Variants in SGSM1 observed in about 807,000 individuals in gnomAD.
The protein encoded by SGSM1 is RUN and TBC1 domain containing 2.
A neutral mutation model predicts 133.8 loss-of-function variants in SGSM1; 73 were observed. That is an observed-to-expected ratio of 0.55 (90% CI 0.45 to 0.66). The LOEUF (loss-of-function observed/expected upper bound fraction) is 0.66, where lower values mean the gene tolerates loss of function less well. Among genes scored for constraint, SGSM1 ranks in the 30% least tolerant of loss-of-function variants. The probability of loss-of-function intolerance (pLI) is 0.00; values close to 1 mark genes in which losing one functional copy is unlikely to be tolerated. For synonymous variants in SGSM1, 563 were observed against 573.0 expected (o/e 0.98, Z 0.25); for missense variants, 1,213 against 1,448.1 (o/e 0.84, Z 2.64).
intron 24 of SGSM1, among the ~76,000 whole-genome samples, chr22:24,921,453 T>C (rs1053294041): frequency 6.6e-6 from 1 of 152,206 alleles, no homozygotes; most frequent in Non-Finnish European, 1.5e-5. Context: ...TATAACTTAC[T>C]GAACCATTTC....
At chr22:24,892,922 G>A (rs1178555896) in intron 16 of SGSM1, among the ~76,000 whole-genome samples, 2 of 151,272 alleles carry the variant, frequency 1.3e-5, no homozygotes, top group East Asian at 1.9e-4. Flanking sequence ...TTAGCTGGGC[G>A]TGGTGGCGCA....
At chr22:24,859,944 C>T (rs910906660) in intron 9 of SGSM1, 104 bp downstream of exon 9, 1 of 1,480,736 alleles carries the variant, frequency 6.8e-7, no homozygotes, top group African/African-American at 1.4e-5. Context: ...GCCCCTGCTT[C>T]TGCCCCCTCC....
intron 16 of SGSM1, 114 bp from the exon 17 acceptor site, chr22:24,893,317 A>T (rs1932846041): frequency 3.6e-6 from 4 of 1,104,894 alleles, no homozygotes; most frequent in Non-Finnish European, 2.6e-6. Flanking sequence ...TATCTGCTGG[A>T]TGTTAACTGC....
At chr22:24,920,807 T>C (rs1248192327) in intron 24 of SGSM1, among the ~76,000 whole-genome samples, 2 of 152,206 alleles carry the variant, frequency 1.3e-5, no homozygotes, top group Non-Finnish European at 2.9e-5. Context: ...TGAGAACTGT[T>C]TTAGATTTAG....
chr22:24,886,811 C>A, intron 16 of SGSM1, 83 bp downstream of exon 16: 1 of 1,451,618 alleles, frequency 6.9e-7, no homozygotes. Context: ...TGGTTCCACG[C>A]TGGACCAAGG....
rs1005636101 is a variant in SGSM1 at position 24,926,173 on chromosome 22, A to G, written c.*1899A>G. 6.6e-5 allele frequency: 10 copies of G among 152,362 alleles called. No individual in the cohort carries two copies. Among genetic ancestry groups the G allele is most frequent in the African/African-American group, 2.2e-4 (9 of 41,550 alleles). 9.4% of individuals were successfully genotyped at this position (152,362 alleles called of 1,614,324 possible). A position where few individuals can be genotyped will look rare whatever the true frequency, so the allele number is the denominator to read the frequency against. On this transcript the variant is annotated 3_prime_UTR_variant, in exon 25 of 25. Coordinates refer to ENST00000400358, the MANE Select transcript of SGSM1 (RefSeq NM_001098497.3). ...ATGCATCCTTGCCTTGTGTGCTTGT[A>G]AAGGCTTCTTTCCCTTGGTATAGCA... is the stretch of plus-strand genomic sequence containing the variant.
intron 13 of SGSM1, among the ~76,000 whole-genome samples, chr22:24,877,162 T>A (rs1296693652): frequency 6.6e-6 from 1 of 152,204 alleles, no homozygotes; most frequent in East Asian, 1.9e-4. Flanking sequence ...CACAGCCCAT[T>A]GGCCCCATCC....
intron 21 of SGSM1, among the ~76,000 whole-genome samples, chr22:24,910,850 C>T (rs1167842915): frequency 6.6e-6 from 1 of 152,092 alleles, no homozygotes; most frequent in African/African-American, 2.4e-5. Flanking sequence ...GAGGCTGCGG[C>T]AGGAGAAACA....
intron 2 of SGSM1, among the ~76,000 whole-genome samples, chr22:24,821,894 T>G (rs1044902509): frequency 1.3e-5 from 2 of 152,028 alleles, no homozygotes; most frequent in African/African-American, 2.4e-5. Flanking sequence ...GAGTGGTACC[T>G]TTGTTAGGAT....
intron 19 of SGSM1, among the ~76,000 whole-genome samples, chr22:24,898,959 G>A (rs551987514): frequency 4.0e-5 from 6 of 149,362 alleles, no homozygotes; most frequent in South Asian, 2.2e-4. Flanking sequence ...CCCGGGAGGC[G>A]GAGCTTGCAG....
intron 2 of SGSM1, among the ~76,000 whole-genome samples, chr22:24,808,619 G>A (rs1927557163): frequency 6.6e-6 from 1 of 152,208 alleles, no homozygotes; most frequent in Non-Finnish European, 1.5e-5. Context: ...GCTGCAGGCA[G>A]AAGAGAACAC....
intron 19 of SGSM1, among the ~76,000 whole-genome samples, chr22:24,899,063 A>G (rs772580730): frequency 1.7e-4 from 25 of 150,844 alleles, no homozygotes; most frequent in Non-Finnish European, 3.2e-4. Context: ...ACAGTGTTAT[A>G]ATATTTTATG....
chr22:24,840,436 C>G (rs902705700), intron 2 of SGSM1, among the ~76,000 whole-genome samples: 8 of 152,160 alleles, frequency 5.3e-5, no homozygotes, highest in African/African-American at 1.9e-4. Context: ...CTCCACCTCC[C>G]GGGTTCAAGC....
At chr22:24,815,923 A>G (rs1056357382) in intron 2 of SGSM1, among the ~76,000 whole-genome samples, 1 of 152,184 alleles carries the variant, frequency 6.6e-6, no homozygotes, top group Non-Finnish European at 1.5e-5. Flanking sequence ...GAACTCAGAT[A>G]AGACAAATGT....
chr22:24,845,549 G>T (rs963001289), intron 3 of SGSM1, among the ~76,000 whole-genome samples: 1 of 152,220 alleles, frequency 6.6e-6, no homozygotes, highest in African/African-American at 2.4e-5. Flanking sequence ...TAATCAGTGT[G>T]TACATAGAAG....
intron 3 of SGSM1, among the ~76,000 whole-genome samples, chr22:24,847,075 C>T (rs566606817): frequency 1.3e-5 from 2 of 152,246 alleles, no homozygotes; most frequent in Admixed American, 6.5e-5. Flanking sequence ...CTCCTGACCT[C>T]GCTCTCCAGC....
chr22:24,901,689 C>T (rs772816859), intron 19 of SGSM1, 144 bp from the exon 20 acceptor site: 1 of 866,610 alleles, frequency 1.2e-6, no homozygotes, highest in Non-Finnish European at 1.7e-6. Flanking sequence ...CAAAATCAAA[C>T]ACCTGGCTGG....
chr22:24,837,025 T>C (rs954010636), intron 2 of SGSM1, among the ~76,000 whole-genome samples: 42 of 152,072 alleles, frequency 2.8e-4, no homozygotes, highest in African/African-American at 9.9e-4. Flanking sequence ...CCCCACAGGG[T>C]CGGTGGGTCT....
intron 9 of SGSM1, 45 bp downstream of exon 9, chr22:24,859,885 G>T (rs757893231): frequency 1.9e-6 from 3 of 1,608,380 alleles, no homozygotes; most frequent in Admixed American, 1.7e-5. Context: ...CCCTCCACTC[G>T]CCTTGGCACA....
Sources: allele counts gnomAD v4.1 joint callset (sites outside exome capture counted in the v4.1 genomes callset), GRCh38; gene constraint gnomAD v4.1.1; transcripts MANE v1.5; gene names NCBI Gene and HGNC (gene_info 2026-07-23, HGNC 2026-07-21).